MYT1L: variants seen among roughly 807,000 people sequenced by gnomAD.
The protein encoded by MYT1L is myelin transcription factor 1 like.
In MYT1L, 12 loss-of-function variants were observed where a neutral mutation model predicts 126.7. The ratio of observed to expected loss-of-function variants is 0.09; its 90% CI spans 0.06 to 0.15. MYT1L has a LOEUF of 0.15. MYT1L is among the 10% of genes least tolerant of loss of function. The pLI, the probability that MYT1L is intolerant of heterozygous loss-of-function variation, is 1.00. For synonymous variants in MYT1L, 541 were observed against 604.2 expected (o/e 0.90, Z 1.53); for missense variants, 979 against 1,585.2 (o/e 0.62, Z 6.49).
chr2:1,860,296 C>T (rs2044419871), intron 18 of MYT1L, among the ~76,000 whole-genome samples: 1 of 152,116 alleles, frequency 6.6e-6, no homozygotes, highest in African/African-American at 2.4e-5. Flanking sequence ...TGGGGTTGGA[C>T]TCGGAGGACC....
rs1392721124 is a variant in MYT1L, at chr2:1,917,579, C to G, written c.1484-240G>C. ...TTTTTATTCTAAAGAAAAGAAAAGCCTACCCCTCACCTTAACTCTGATTCA... is the reference window on the plus strand; with the variant it reads ...TTTTTATTCTAAAGAAAAGAAAAGCGTACCCCTCACCTTAACTCTGATTCA... On this transcript the variant is annotated intron_variant, in intron 10 of 24. Transcript: ENST00000647738. The surrounding 1 kb of genome is among the most constrained non-coding windows in gnomAD (Gnocchi z 5.9). Among the ~76,000 whole-genome samples, 1 of 152,112 alleles carries G rather than the reference C, an allele frequency of 6.6e-6. No homozygotes were observed. The highest frequency in any genetic ancestry group is 1.5e-5 in the Non-Finnish European group (1 of 68,038).
chr2:2,317,766 C>G lies in MYT1L; in HGVS notation c.-521+13201G>C, dbSNP rs557810110. ...ACATGTGCAACCTAGCTGATATAAC[C>G]AAACCAGGCAGAGTAAAGTCTCTCT... On this transcript the variant is annotated intron_variant, in intron 1 of 24. Coordinates refer to ENST00000647738, the MANE Select transcript of MYT1L (RefSeq NM_001303052.2). Among the ~76,000 whole-genome samples, 110 of 152,112 alleles carry G rather than the reference C, an allele frequency of 7.2e-4. No individual in the cohort carries two copies. In the Middle Eastern group the frequency reaches 0.01, roughly 14 times the overall value.
intron 3 of MYT1L, among the ~76,000 whole-genome samples, chr2:2,078,898 T>C (rs1014994878): frequency 7.2e-5 from 11 of 152,232 alleles, no homozygotes; most frequent in Non-Finnish European, 1.3e-4. Context: ...TATGTTGAAA[T>C]TCTAACCCCC....
At chr2:2,280,201 ATAC>A (rs1573108323) in intron 2 of MYT1L, among the ~76,000 whole-genome samples, 1 of 152,368 alleles carries the variant, frequency 6.6e-6, no homozygotes, top group East Asian at 1.9e-4. Context: ...TTTCAAGCAT[ATAC>A]TATTCCTGCT....
Position 2,228,697 on chromosome 2 carries a change from G to A in MYT1L, c.-421+55707C>T, listed in dbSNP as rs886189579. Among the ~76,000 whole-genome samples, 4 of 151,910 alleles carry A rather than the reference G, an allele frequency of 2.6e-5. No individual in the cohort carries two copies. The highest frequency in any genetic ancestry group is 9.7e-5 in the African/African-American group (4 of 41,364). On this transcript the variant is annotated intron_variant, in intron 2 of 24. Transcript: ENST00000647738. This position sits in a 1 kb window ranked among gnomAD's most constrained non-coding sequence, Gnocchi z 5.9. ...TTATATAACTTAGCAGGTATAAAAA[G>A]GTTTCAACCTTAATATTACAGAGAA...
chr2:2,052,258 C>T (rs1204506920), intron 4 of MYT1L, among the ~76,000 whole-genome samples: 2 of 152,110 alleles, frequency 1.3e-5, no homozygotes, highest in Admixed American at 1.3e-4. Flanking sequence ...TATAACATTA[C>T]CTTAAACCTG....
At chr2:2,019,380 C>T (rs2064793995) in intron 4 of MYT1L, among the ~76,000 whole-genome samples, 1 of 152,184 alleles carries the variant, frequency 6.6e-6, no homozygotes, top group African/African-American at 2.4e-5. Flanking sequence ...CCTTGTGGAA[C>T]TGTGAGTCAA....
At chr2:1,909,818 G>A (rs188987355) in intron 13 of MYT1L, among the ~76,000 whole-genome samples, 1 of 152,250 alleles carries the variant, frequency 6.6e-6, no homozygotes, top group Admixed American at 6.5e-5. Context: ...TGTGCACAGG[G>A]TGCTCATACC....
chr2:2,198,264 G>A (rs533603617), intron 2 of MYT1L, among the ~76,000 whole-genome samples: 4 of 152,096 alleles, frequency 2.6e-5, no homozygotes, highest in Admixed American at 2.6e-4. Flanking sequence ...AGACTAGGAA[G>A]GGGCAGGGGT....
In MYT1L at chr2:1,792,385, TGGA is replaced by T. The variant is rs778341828; in HGVS notation, c.3353_3355del (p.Leu1118del). On this transcript the variant is annotated inframe_deletion, in exon 24 of 25. Coordinates refer to ENST00000647738, the MANE Select transcript of MYT1L (RefSeq NM_001303052.2). ...AGACTGGCTCAGGTTCGCCAGCTCG[TGGA>T]GGAGAGACTCGTTCTGCTGCTCAAT... The T allele has an allele frequency of 6.2e-7, 1 of 1,612,532 alleles. No homozygotes were observed. The highest frequency in any genetic ancestry group is 1.1e-5 in the South Asian group (1 of 90,676).
intron 2 of MYT1L, among the ~76,000 whole-genome samples, chr2:2,184,468 C>A (rs889053120): frequency 2.6e-5 from 4 of 152,124 alleles, no homozygotes; most frequent in Non-Finnish European, 5.9e-5. Context: ...TAAATACTTT[C>A]TATCAATGTT....
intron 3 of MYT1L, among the ~76,000 whole-genome samples, chr2:2,069,653 T>C (rs944643387): frequency 1.3e-5 from 2 of 152,092 alleles, no homozygotes; most frequent in African/African-American, 2.4e-5. Context: ...CCACACTGTC[T>C]TCCATAATGG....
At chr2:2,277,429 G>A (rs1486149639) in intron 2 of MYT1L, among the ~76,000 whole-genome samples, 1 of 152,214 alleles carries the variant, frequency 6.6e-6, no homozygotes, top group African/African-American at 2.4e-5. Context: ...TCCCACGGGT[G>A]GACAGATTGT....
At chr2:1,871,346 C>G (rs1016925237) in intron 18 of MYT1L, among the ~76,000 whole-genome samples, 1 of 152,224 alleles carries the variant, frequency 6.6e-6, no homozygotes, top group Admixed American at 6.5e-5. Context: ...TGGAAGCCGC[C>G]GCTGCTGGAG....
intron 3 of MYT1L, among the ~76,000 whole-genome samples, chr2:2,078,671 C>A (rs1318006520): frequency 6.6e-6 from 1 of 152,102 alleles, no homozygotes; most frequent in Non-Finnish European, 1.5e-5. Flanking sequence ...TCTAACAGTA[C>A]AGCTCCAAAA....
chr2:2,265,058 G>A (rs1313264931), intron 2 of MYT1L, among the ~76,000 whole-genome samples: 1 of 142,522 alleles, frequency 7.0e-6, no homozygotes, highest in Non-Finnish European at 1.5e-5. Flanking sequence ...ATGGAGTTTT[G>A]CTCTTGTCAC....
intron 18 of MYT1L, among the ~76,000 whole-genome samples, chr2:1,866,994 G>A (rs1215346256): frequency 1.4e-5 from 2 of 139,540 alleles, no homozygotes; most frequent in South Asian, 2.6e-4. Flanking sequence ...GAGAGAGAGA[G>A]TAAAGCAGGC....
At chr2:2,153,819 G>A (rs759052730) in intron 3 of MYT1L, among the ~76,000 whole-genome samples, 11 of 152,054 alleles carry the variant, frequency 7.2e-5, no homozygotes, top group East Asian at 1.9e-4. Context: ...AGCTGGTGTC[G>A]GGTGGCATCT....
At chr2:2,273,535 C>G (rs1321308299) in intron 2 of MYT1L, among the ~76,000 whole-genome samples, 2 of 152,182 alleles carry the variant, frequency 1.3e-5, no homozygotes, top group Non-Finnish European at 2.9e-5. Context: ...CCTGGTCGCC[C>G]AGCCAAAGCC....
Sources: allele counts gnomAD v4.1 joint callset (sites outside exome capture counted in the v4.1 genomes callset), GRCh38; gene constraint gnomAD v4.1.1; non-coding constraint Gnocchi (gnomAD v3.1); transcripts MANE v1.5; gene names NCBI Gene and HGNC (gene_info 2026-07-23, HGNC 2026-07-21).